DNAJB6: variants seen among roughly 807,000 people sequenced by gnomAD.
DNAJB6 encodes dnaJ homolog subfamily B member 6.
DNAJB6 carries 16 observed loss-of-function variants against 42.7 expected under a neutral mutation model. The ratio of observed to expected loss-of-function variants is 0.37; its 90% CI spans 0.25 to 0.57. The LOEUF (loss-of-function observed/expected upper bound fraction) is 0.57, where lower values mean the gene tolerates loss of function less well. DNAJB6 is among the 20% of genes least tolerant of loss of function. The pLI, the probability that DNAJB6 is intolerant of heterozygous loss-of-function variation, is 0.74. For synonymous variants in DNAJB6, 170 were observed against 163.5 expected (o/e 1.04, Z -0.30); for missense variants, 347 against 416.8 (o/e 0.83, Z 1.46).
intron 5 of DNAJB6, among the ~76,000 whole-genome samples, chr7:157,376,047 G>A (rs973941868): frequency 2.0e-5 from 3 of 152,170 alleles, no homozygotes; most frequent in African/African-American, 4.8e-5. Flanking sequence ...GAGGAAGGGC[G>A]AGCTTAGTGC....
chr7:157,387,642 G>T (rs1173098251), intron 8 of DNAJB6, among the ~76,000 whole-genome samples: 8 of 152,096 alleles, frequency 5.3e-5, no homozygotes, highest in Admixed American at 4.6e-4. Flanking sequence ...CTATAGCGTT[G>T]GTACTACACA....
At chr7:157,374,980 T>G (rs553569537) in intron 5 of DNAJB6, among the ~76,000 whole-genome samples, 1 of 152,348 alleles carries the variant, frequency 6.6e-6, no homozygotes, top group Admixed American at 6.5e-5. Context: ...GGGATTTTGG[T>G]CCCTGGTCAA....
At chr7:157,363,466 G>T (rs1481341365) in intron 3 of DNAJB6, among the ~76,000 whole-genome samples, 196 bp downstream of exon 3, 4 of 152,136 alleles carry the variant, frequency 2.6e-5, no homozygotes, top group African/African-American at 9.7e-5. Context: ...ACGAGTGCTG[G>T]GGAGCTCCAG....
intron 3 of DNAJB6, among the ~76,000 whole-genome samples, chr7:157,365,201 TC>T (rs1376243375): frequency 6.6e-6 from 1 of 152,252 alleles, no homozygotes; most frequent in Admixed American, 6.5e-5. Context: ...TGATCCACCT[TC>T]CTTGCCCACG....
chr7:157,360,858 G>C (rs1799549610), intron 2 of DNAJB6, among the ~76,000 whole-genome samples: 1 of 152,180 alleles, frequency 6.6e-6, no homozygotes, highest in Non-Finnish European at 1.5e-5. Context: ...CCTTGGTGCT[G>C]AAGTACTGGT....
chr7:157,404,635 C>T (rs1197559362), intron 8 of DNAJB6, among the ~76,000 whole-genome samples: 1 of 151,724 alleles, frequency 6.6e-6, no homozygotes, highest in South Asian at 2.1e-4. Flanking sequence ...TTGAGCCTCC[C>T]GAGTAACTGG....
chr7:157,360,070 C>T (rs1017543144), intron 2 of DNAJB6, among the ~76,000 whole-genome samples: 6 of 152,186 alleles, frequency 3.9e-5, no homozygotes, highest in Admixed American at 6.5e-5. Context: ...ATACCTTACT[C>T]CTCTCGAATA....
At chr7:157,354,713 G>C (rs1225024880) in intron 1 of DNAJB6, among the ~76,000 whole-genome samples, 1 of 152,120 alleles carries the variant, frequency 6.6e-6, no homozygotes, top group Non-Finnish European at 1.5e-5. Context: ...TGTAGGTCAG[G>C]GTAAGGGATA....
At chr7:157,389,643 C>T (rs1250112135) in intron 8 of DNAJB6, among the ~76,000 whole-genome samples, 2 of 152,128 alleles carry the variant, frequency 1.3e-5, no homozygotes. Context: ...TAAAGTGTGA[C>T]CAATGGTTGA....
intron 8 of DNAJB6, among the ~76,000 whole-genome samples, chr7:157,387,431 G>A (rs894884107): frequency 6.6e-6 from 1 of 152,122 alleles, no homozygotes; most frequent in East Asian, 1.9e-4. Flanking sequence ...ATCATAGAGC[G>A]CGCTTTTGTT....
chr7:157,385,720 G>A, intron 8 of DNAJB6, 109 bp downstream of exon 8: 1 of 1,556,978 alleles, frequency 6.4e-7, no homozygotes, highest in South Asian at 1.2e-5. Flanking sequence ...ACATTTTTTT[G>A]AAGATTTCAA....
chr7:157,361,791 C>T (rs375456346), intron 2 of DNAJB6, among the ~76,000 whole-genome samples: 61 of 151,892 alleles, frequency 4.0e-4, no homozygotes, highest in Admixed American at 1.0e-3. Context: ...CATGTTGAGC[C>T]GGAGGCTCGC....
intron 1 of DNAJB6, among the ~76,000 whole-genome samples, chr7:157,340,997 T>TGTGTGCGC (rs902019051): frequency 0.024 from 2,879 of 118,236 alleles, 100 homozygotes; most frequent in African/African-American, 0.077. Context: ...TGTGTGTGTG[T>TGTGTGCGC]GCGCGCGCGC....
At chr7:157,372,690 G>A (rs1398910946) in intron 5 of DNAJB6, among the ~76,000 whole-genome samples, 1 of 152,196 alleles carries the variant, frequency 6.6e-6, no homozygotes, top group African/African-American at 2.4e-5. Flanking sequence ...CCAGAGCACA[G>A]ACCCTGAAGA....
intron 8 of DNAJB6, among the ~76,000 whole-genome samples, chr7:157,398,114 C>T (rs1584940677): frequency 6.6e-6 from 1 of 152,212 alleles, no homozygotes; most frequent in East Asian, 1.9e-4. Context: ...CATTCCAGGG[C>T]TGTTCGATGT....
At chr7:157,381,683 G>C (rs1800781029) in intron 5 of DNAJB6, 1 of 151,878 alleles carries the variant, frequency 6.6e-6, no homozygotes, top group Non-Finnish European at 1.5e-5. Flanking sequence ...AGAATAAAAG[G>C]AATTTCCTTT....
chr7:157,358,099 T>C (rs1248414991), intron 1 of DNAJB6, among the ~76,000 whole-genome samples: 3 of 152,140 alleles, frequency 2.0e-5, no homozygotes, highest in Non-Finnish European at 4.4e-5. Flanking sequence ...CATGTGAAGT[T>C]AGTTCAGGGC....
intron 2 of DNAJB6, 116 bp from the exon 3 acceptor site, chr7:157,363,045 A>G (rs368349226): frequency 1.9e-5 from 12 of 633,588 alleles, no homozygotes; most frequent in East Asian, 1.2e-4. Context: ...TAAAACCAGT[A>G]TTCATCTCAC....
chr7:157,385,330 C>A (rs901655454), intron 7 of DNAJB6, among the ~76,000 whole-genome samples: 9 of 152,110 alleles, frequency 5.9e-5, no homozygotes, highest in Admixed American at 5.9e-4. Context: ...TCCGCCTGTA[C>A]GGTATTTGAG....
Sources: gnomAD v4.1 joint callset for allele counts (sites outside exome capture counted in the v4.1 genomes callset) on GRCh38, gnomAD v4.1.1 for gene constraint, MANE v1.5 for transcripts, NCBI Gene and HGNC (gene_info 2026-07-23, HGNC 2026-07-21) for gene names.